Variants in SHANK2 observed in about 807,000 individuals in gnomAD.
The protein encoded by SHANK2 is SH3 and multiple ankyrin repeat domains protein 2.
Under a neutral mutation model 133.7 loss-of-function variants are expected in SHANK2, and 43 were observed. The ratio of observed to expected loss-of-function variants is 0.32; its 90% CI spans 0.25 to 0.41. The LOEUF is 0.41. Among genes scored for constraint, SHANK2 ranks in the 10% least tolerant of loss-of-function variants. The probability of loss-of-function intolerance (pLI) is 1.00; values close to 1 mark genes in which losing one functional copy is unlikely to be tolerated. For missense variants in SHANK2, 1,994 were observed against 2,235.8 expected, an observed-to-expected ratio of 0.89 and a Z score of 2.18; for synonymous variants, 1,017 against 952.8, an observed-to-expected ratio of 1.07 and a Z score of -1.24.
intron 9 of SHANK2, among the ~76,000 whole-genome samples, chr11:71,073,136 C>CTTTTTTTTTTTTTTTTTTTT (rs1178533659): frequency 1.4e-5 from 1 of 72,336 alleles, no homozygotes; most frequent in Non-Finnish European, 3.5e-5. Context: ...TGTTTTTTTT[C>CTTTTTTTTTTTTTTTTTTTT]TTTTTCTTTT....
intron 3 of SHANK2, among the ~76,000 whole-genome samples, chr11:71,129,568 TGGGA>T (rs1318551029): frequency 6.6e-6 from 1 of 152,138 alleles, no homozygotes; most frequent in Admixed American, 6.5e-5. Context: ...TCCCTTGAGC[TGGGA>T]GGTTGAGGCT....
rs528910124 is a variant in SHANK2 at position 70,489,313 on chromosome 11, G to T, written c.2572+15C>A. 1 of 1,611,800 alleles carries T rather than the reference G, an allele frequency of 6.2e-7. No individual in the cohort carries two copies. The highest frequency in any genetic ancestry group is 1.7e-5 in the Admixed American group (1 of 60,002). ...ACATTCAGATTACAGATTCCAAACC[G>T]TAAGGTTCACTAACCTGATAGAAAG... is the stretch of plus-strand genomic sequence containing the variant. On this transcript the variant is annotated intron_variant, in intron 24 of 25. Coordinates refer to ENST00000601538, the MANE Select transcript of SHANK2 (RefSeq NM_012309.5).
At chr11:70,728,417 A>G (rs970293349) in intron 14 of SHANK2, among the ~76,000 whole-genome samples, 12 of 152,216 alleles carry the variant, frequency 7.9e-5, no homozygotes, top group Non-Finnish European at 1.0e-4. Context: ...CTTACTGCCA[A>G]TATAACTCAA....
rs147299707 is a variant in SHANK2, at chr11:71,127,654, A to T, written c.208-8622T>A. Among the ~76,000 whole-genome samples the T allele has an allele frequency of 5.4e-3, 816 of 152,318 alleles. 9 individuals carry two copies. Among genetic ancestry groups the T allele is most frequent in the African/African-American group, 0.019 (778 of 41,560 alleles). Reference sequence around the variant, plus strand: ...AGTATTTTTTAATTAGGGTATATACACTGCTTTTTTAGACATGATGCTATT... The same window carrying T: ...AGTATTTTTTAATTAGGGTATATACTCTGCTTTTTTAGACATGATGCTATT... On this transcript the variant is annotated intron_variant, in intron 3 of 25. Coordinates refer to ENST00000601538, the MANE Select transcript of SHANK2 (RefSeq NM_012309.5).
chr11:70,522,808 C>T (rs1374524756), intron 17 of SHANK2, among the ~76,000 whole-genome samples: 5 of 152,336 alleles, frequency 3.3e-5, no homozygotes, highest in East Asian at 3.9e-4. Flanking sequence ...TCCAACCAGG[C>T]GGCATCATTT....
chr11:71,199,486 C>T (rs148164449), intron 2 of SHANK2, among the ~76,000 whole-genome samples: 1 of 152,344 alleles, frequency 6.6e-6, no homozygotes, highest in African/African-American at 2.4e-5. Context: ...TGCAGTCACG[C>T]CCCAGGAAGA....
At chr11:70,596,286 C>T (rs1554989524) in intron 17 of SHANK2, among the ~76,000 whole-genome samples, 1 of 152,218 alleles carries the variant, frequency 6.6e-6, no homozygotes, top group Non-Finnish European at 1.5e-5. Flanking sequence ...CTCCTGCTGA[C>T]TTCAATTCCC....
At chr11:70,689,137 C>T (rs1265587655) in intron 15 of SHANK2, among the ~76,000 whole-genome samples, 1 of 152,198 alleles carries the variant, frequency 6.6e-6, no homozygotes, top group Non-Finnish European at 1.5e-5. Flanking sequence ...CCGGAAACCA[C>T]TTCTCTCAAG....
chr11:70,715,157 A>G (rs1475561353), intron 14 of SHANK2, among the ~76,000 whole-genome samples: 1 of 152,174 alleles, frequency 6.6e-6, no homozygotes, highest in Non-Finnish European at 1.5e-5. Context: ...GGTGCCCTGT[A>G]GATAATATTT....
At chr11:70,627,738 A>G (rs576563514) in intron 17 of SHANK2, among the ~76,000 whole-genome samples, 34 of 152,294 alleles carry the variant, frequency 2.2e-4, no homozygotes, top group African/African-American at 7.2e-4. Context: ...TTTATACAAC[A>G]TTTAAAGAAT....
chr11:70,809,120 C>A (rs1289658986), intron 12 of SHANK2, among the ~76,000 whole-genome samples: 1 of 152,226 alleles, frequency 6.6e-6, no homozygotes, highest in Non-Finnish European at 1.5e-5. Flanking sequence ...ACAAACGCAT[C>A]TACACGGAGG....
intron 2 of SHANK2, among the ~76,000 whole-genome samples, chr11:71,219,472 A>G (rs1555120671): frequency 1.3e-5 from 2 of 152,270 alleles, no homozygotes; most frequent in Non-Finnish European, 1.5e-5. Context: ...GAAGATATTC[A>G]AATAACCAAT....
At chr11:70,819,572 G>C (rs542689073) in intron 12 of SHANK2, among the ~76,000 whole-genome samples, 1 of 152,330 alleles carries the variant, frequency 6.6e-6, no homozygotes, top group East Asian at 1.9e-4. Flanking sequence ...TGCTTGGGAG[G>C]CAGGAGGGTG....
chr11:70,555,429 A>C (rs1591574486), intron 17 of SHANK2, among the ~76,000 whole-genome samples: 2 of 152,370 alleles, frequency 1.3e-5, no homozygotes, highest in East Asian at 3.9e-4. Flanking sequence ...AATGTAAAGG[A>C]AAAGATCTAG....
At chr11:71,066,416 T>C (rs1951064946) in intron 9 of SHANK2, among the ~76,000 whole-genome samples, 2 of 151,662 alleles carry the variant, frequency 1.3e-5, no homozygotes, top group Non-Finnish European at 2.9e-5. Context: ...AGGGGGTCCG[T>C]GAAGCCAAGG....
At chr11:70,819,661 T>C (rs2135340773) in intron 12 of SHANK2, among the ~76,000 whole-genome samples, 1 of 152,246 alleles carries the variant, frequency 6.6e-6, no homozygotes, top group East Asian at 1.9e-4. Flanking sequence ...AAGTCTGCCC[T>C]ATGCTGCCCA....
chr11:71,196,210 T>C (rs1358497359), intron 2 of SHANK2, among the ~76,000 whole-genome samples: 1 of 152,088 alleles, frequency 6.6e-6, no homozygotes, highest in Non-Finnish European at 1.5e-5. Flanking sequence ...AATATATATG[T>C]GAATAAATGG....
At chr11:70,803,848 G>C (rs1317094308) in intron 13 of SHANK2, among the ~76,000 whole-genome samples, 1 of 151,918 alleles carries the variant, frequency 6.6e-6, no homozygotes, top group African/African-American at 2.4e-5. Context: ...GGGGGAATCG[G>C]AACATGTACA....
intron 1 of SHANK2, among the ~76,000 whole-genome samples, chr11:71,228,890 T>C (rs781941214): frequency 4.6e-5 from 7 of 152,148 alleles, no homozygotes; most frequent in Non-Finnish European, 1.0e-4. Flanking sequence ...ATCAAAAGAA[T>C]TATATACCAT....
Sources: allele counts gnomAD v4.1 joint callset (sites outside exome capture counted in the v4.1 genomes callset), GRCh38; gene constraint gnomAD v4.1.1; transcripts MANE v1.5; gene names NCBI Gene and HGNC (gene_info 2026-07-23, HGNC 2026-07-21).